The following DPP6 variants were observed in gnomAD, a reference collection of about 807,000 sequenced individuals.
DPP6 encodes the protein A-type potassium channel modulatory protein DPP6.
Under a neutral mutation model 122.6 loss-of-function variants are expected in DPP6, and 69 were observed. The observed-to-expected ratio is 0.56, with a 90% CI of 0.46 to 0.69. The LOEUF is 0.69. DPP6 is among the 30% of genes least tolerant of loss of function. The pLI is 0.00. For missense variants in DPP6, 928 were observed against 1,116.9 expected (o/e 0.83, Z 2.41); for synonymous variants, 418 against 433.1 (o/e 0.97, Z 0.43).
At chr7:154,303,401 CT>C (rs1806041675) in intron 1 of DPP6, among the ~76,000 whole-genome samples, 2 of 152,114 alleles carry the variant, frequency 1.3e-5, no homozygotes, top group African/African-American at 4.8e-5. Flanking sequence ...GCTTGGTGAC[CT>C]TACACCGCAG....
Position 154,063,478 on chromosome 7 carries a change from C to T in DPP6, c.243+10415C>T, listed in dbSNP as rs1408654362. Among the ~76,000 whole-genome samples, 201 of 130,756 alleles carry T rather than the reference C, an allele frequency of 1.5e-3. 18 individuals are homozygous for T. The highest frequency in any genetic ancestry group is 5.2e-3 in the African/African-American group (187 of 35,894). 85.8% of individuals were successfully genotyped at this position (130,756 alleles called of 152,430 possible). A position where few individuals can be genotyped will look rare whatever the true frequency, so the allele number is the denominator to read the frequency against. ...CTCCCGCGAGGCAGGGACTGAGAGC[C>T]ATTCCCTCTTCCCCCCCTGGCTCTT... On this transcript the variant is annotated intron_variant, in intron 1 of 25. Transcript: ENST00000377770.
chr7:154,404,782 G>C (rs1037905555), intron 1 of DPP6, among the ~76,000 whole-genome samples: 1 of 152,148 alleles, frequency 6.6e-6, no homozygotes, highest in African/African-American at 2.4e-5. Flanking sequence ...TCAACCTTAT[G>C]TTGCAAGAGC....
In DPP6 at chr7:154,777,277, G is replaced by A. The variant is rs138174261; in HGVS notation, c.1136+4335G>A. On this transcript the variant is annotated intron_variant, in intron 10 of 25. Transcript: ENST00000377770. ...ACCTAGGAGCAGAGGTGCCCCTTGT[G>A]GGGTGAGTGGGAAGTGTTCAGGATG... Among the ~76,000 whole-genome samples the A allele has an allele frequency of 2.1e-3, 324 of 152,274 alleles. 2 individuals are homozygous for A. Among genetic ancestry groups the A allele is most frequent in the African/African-American group, 7.4e-3 (306 of 41,548 alleles).
At chr7:154,539,763 G>A (rs760300652) in intron 3 of DPP6, among the ~76,000 whole-genome samples, 1 of 151,280 alleles carries the variant, frequency 6.6e-6, no homozygotes, top group Non-Finnish European at 1.5e-5. Context: ...GGATACATTT[G>A]ATGAAATAAA....
chr7:153,873,179 G>A, the DPP6 span, among the ~76,000 whole-genome samples: 16 of 152,270 alleles, frequency 1.1e-4, no homozygotes, highest in East Asian at 5.8e-4. Flanking sequence ...TTTAACAACC[G>A]GCTCCCATGG....
chr7:154,589,643 A>C (rs1278929987), intron 5 of DPP6, among the ~76,000 whole-genome samples: 14 of 152,242 alleles, frequency 9.2e-5, no homozygotes, highest in African/African-American at 3.4e-4. Context: ...AGTTTTCTTT[A>C]ATTGTAATCA....
At chr7:154,658,686 T>C (rs1401509577) in intron 6 of DPP6, among the ~76,000 whole-genome samples, 1 of 152,174 alleles carries the variant, frequency 6.6e-6, no homozygotes. Flanking sequence ...TCAGTGCTCC[T>C]CTGTCTGCCC....
chr7:153,861,516 G>A, the DPP6 span, among the ~76,000 whole-genome samples: 1 of 152,190 alleles, frequency 6.6e-6, no homozygotes, highest in Non-Finnish European at 1.5e-5. Flanking sequence ...ATAGGAGTGG[G>A]AGAACAAAGA....
intron 1 of DPP6, among the ~76,000 whole-genome samples, chr7:154,245,858 T>TC (rs148762823): frequency 0.037 from 5,701 of 152,216 alleles, 193 homozygotes; most frequent in East Asian, 0.14. Context: ...ATTCTAACAT[T>TC]CTCACTCAGT....
chr7:154,102,154 T>G (rs1382570983), intron 1 of DPP6, among the ~76,000 whole-genome samples: 1 of 151,922 alleles, frequency 6.6e-6, no homozygotes. Flanking sequence ...CTTTACACAT[T>G]GTACTGTCTC....
chr7:154,061,792 T>C (rs1326980243), intron 1 of DPP6, among the ~76,000 whole-genome samples: 29 of 113,408 alleles, frequency 2.6e-4, no homozygotes, highest in African/African-American at 7.0e-4. Flanking sequence ...GAGGCACCCC[T>C]CGCGACGCGG....
intron 1 of DPP6, among the ~76,000 whole-genome samples, chr7:154,318,942 G>A (rs1159827049): frequency 6.6e-6 from 1 of 152,246 alleles, no homozygotes; most frequent in East Asian, 1.9e-4. Context: ...CTTATGCCCA[G>A]GCATGTGTGT....
At chr7:153,844,062 T>C in the DPP6 span, among the ~76,000 whole-genome samples, 4 of 152,162 alleles carry the variant, frequency 2.6e-5, no homozygotes, top group African/African-American at 7.2e-5. Flanking sequence ...TTTTCTGGGA[T>C]AGGAATCTTG....
At chr7:154,567,811 C>T (rs1177369270) in intron 5 of DPP6, among the ~76,000 whole-genome samples, 2 of 152,144 alleles carry the variant, frequency 1.3e-5, no homozygotes, top group Non-Finnish European at 2.9e-5. Flanking sequence ...TGGCATGAGA[C>T]AGTCAAGCTT....
chr7:154,797,680 T>G (rs1798125351), intron 12 of DPP6, among the ~76,000 whole-genome samples: 1 of 152,124 alleles, frequency 6.6e-6, no homozygotes, highest in Admixed American at 6.5e-5. Flanking sequence ...GGGTTTATTT[T>G]GGGGTGGTGG....
intron 1 of DPP6, among the ~76,000 whole-genome samples, chr7:153,931,518 T>C (rs1801167870): frequency 6.6e-6 from 1 of 152,112 alleles, no homozygotes; most frequent in Admixed American, 6.6e-5. Context: ...AAGAAAAATA[T>C]TGTTCCTTAC....
At chr7:154,550,039 G>T (rs979619750) in intron 4 of DPP6, among the ~76,000 whole-genome samples, 2 of 152,098 alleles carry the variant, frequency 1.3e-5, no homozygotes, top group Admixed American at 6.5e-5. Flanking sequence ...TGGAAATAAA[G>T]AATGAGTATT....
chr7:154,392,223 A>C (rs1011256530), intron 1 of DPP6, among the ~76,000 whole-genome samples: 1 of 152,156 alleles, frequency 6.6e-6, no homozygotes, highest in Admixed American at 6.5e-5. Flanking sequence ...CAGTGAGCTG[A>C]GATGGCACCA....
At chr7:154,416,730 A>G (rs1817052183) in intron 1 of DPP6, among the ~76,000 whole-genome samples, 1 of 27,206 alleles carries the variant, frequency 3.7e-5, no homozygotes, top group African/African-American at 6.6e-5. Flanking sequence ...GTCTGTCAGG[A>G]TACTTAGTGT....
Sources: allele counts gnomAD v4.1 joint callset (sites outside exome capture counted in the v4.1 genomes callset), GRCh38; gene constraint gnomAD v4.1.1; transcripts MANE v1.5; gene names NCBI Gene and HGNC (gene_info 2026-07-23, HGNC 2026-07-21).